The following CSMD1 variants were observed in gnomAD, a reference collection of about 807,000 sequenced individuals.
CSMD1 encodes CUB and Sushi multiple domains 1.
In CSMD1, 213 loss-of-function variants were observed where a neutral mutation model predicts 417.5. The ratio of observed to expected loss-of-function variants is 0.51; its 90% CI spans 0.46 to 0.57. CSMD1 has a LOEUF of 0.57. Among genes scored for constraint, CSMD1 ranks in the 20% least tolerant of loss-of-function variants. The pLI, the probability that CSMD1 is intolerant of heterozygous loss-of-function variation, is 0.00. For synonymous variants in CSMD1, 2,862 were observed against 1,736.8 expected, an observed-to-expected ratio of 1.65 and a Z score of -16.11; for missense variants, 6,923 against 4,529.7, an observed-to-expected ratio of 1.53 and a Z score of -15.17.
chr8:4,345,384 G>A (rs35333378), intron 3 of CSMD1, among the ~76,000 whole-genome samples: 11,513 of 151,994 alleles, frequency 0.076, 496 homozygotes, highest in South Asian at 0.21. Flanking sequence ...ACACACTTAT[G>A]CAATAGAGTA....
At chr8:4,935,418 A>C (rs1255589669) in intron 1 of CSMD1, among the ~76,000 whole-genome samples, 4 of 152,186 alleles carry the variant, frequency 2.6e-5, no homozygotes, top group Non-Finnish European at 5.9e-5. Flanking sequence ...TGTTGAAGTT[A>C]CCGGTTCATT....
At chr8:4,312,260 T>C (rs938283574) in intron 3 of CSMD1, among the ~76,000 whole-genome samples, 2 of 151,716 alleles carry the variant, frequency 1.3e-5, no homozygotes, top group African/African-American at 4.9e-5. Context: ...TCCTAATTTA[T>C]TGGCAAACTT....
intron 1 of CSMD1, among the ~76,000 whole-genome samples, chr8:4,659,872 C>T (rs1469791800): frequency 6.6e-6 from 1 of 151,824 alleles, no homozygotes; most frequent in East Asian, 1.9e-4. Context: ...TCAAATAAAT[C>T]ATAAAAATCA....
chr8:4,417,816 G>A (rs1032233783), intron 3 of CSMD1, among the ~76,000 whole-genome samples: 1 of 151,918 alleles, frequency 6.6e-6, no homozygotes, highest in African/African-American at 2.4e-5. Context: ...ACAAATTGGT[G>A]TATTTGCTTA....
chr8:3,091,913 T>A (rs2129008521), intron 47 of CSMD1, among the ~76,000 whole-genome samples: 1 of 152,320 alleles, frequency 6.6e-6, no homozygotes, highest in East Asian at 1.9e-4. Context: ...AAGCCTTGTC[T>A]ATAAAACAGC....
At chr8:3,753,402 A>G (rs1797465107) in intron 6 of CSMD1, among the ~76,000 whole-genome samples, 1 of 152,200 alleles carries the variant, frequency 6.6e-6, no homozygotes, top group African/African-American at 2.4e-5. Flanking sequence ...TTCATTACCA[A>G]GCTCTGTCCT....
chr8:4,139,416 C>A (rs1313005756), intron 3 of CSMD1, among the ~76,000 whole-genome samples: 1 of 151,546 alleles, frequency 6.6e-6, no homozygotes, highest in Non-Finnish European at 1.5e-5. Flanking sequence ...GTGCTAAGCA[C>A]TGGAGGTAAA....
intron 2 of CSMD1, among the ~76,000 whole-genome samples, chr8:4,618,739 T>C (rs1309118528): frequency 1.3e-5 from 2 of 152,140 alleles, no homozygotes; most frequent in Admixed American, 6.6e-5. Flanking sequence ...TTTTCAACAC[T>C]GAGTAAAAAT....
intron 5 of CSMD1, among the ~76,000 whole-genome samples, chr8:3,989,007 A>G (rs931960939): frequency 6.6e-6 from 1 of 152,212 alleles, no homozygotes; most frequent in South Asian, 2.1e-4. Flanking sequence ...GGTAAAAACC[A>G]TTGTTCAAAA....
At chr8:4,571,237 G>A (rs1380094099) in intron 2 of CSMD1, among the ~76,000 whole-genome samples, 2 of 152,078 alleles carry the variant, frequency 1.3e-5, no homozygotes, top group East Asian at 3.9e-4. Flanking sequence ...TGATGTTAGG[G>A]CATCGATTTT....
intron 7 of CSMD1, among the ~76,000 whole-genome samples, chr8:3,619,818 C>A (rs373497201): frequency 2.0e-5 from 3 of 152,228 alleles, no homozygotes; most frequent in South Asian, 2.1e-4. Context: ...GCTCACACAA[C>A]GTAATATATT....
intron 1 of CSMD1, among the ~76,000 whole-genome samples, chr8:4,649,088 G>C (rs894349310): frequency 6.6e-6 from 1 of 152,138 alleles, no homozygotes; most frequent in African/African-American, 2.4e-5. Context: ...CTCAAAATAA[G>C]TGAGTCATCA....
At chr8:4,376,408 G>C (rs974608196) in intron 3 of CSMD1, among the ~76,000 whole-genome samples, 1 of 152,066 alleles carries the variant, frequency 6.6e-6, no homozygotes, top group African/African-American at 2.4e-5. Flanking sequence ...TGATTCTCTT[G>C]TGCATATTTT....
chr8:3,430,817 AC>A (rs1434676281), intron 12 of CSMD1, among the ~76,000 whole-genome samples: 1 of 152,148 alleles, frequency 6.6e-6, no homozygotes, highest in African/African-American at 2.4e-5. Flanking sequence ...AACAACAACA[AC>A]AAAAAAATTC....
chr8:3,828,842 A>G (rs1269127730), intron 5 of CSMD1, among the ~76,000 whole-genome samples: 1 of 151,966 alleles, frequency 6.6e-6, no homozygotes, highest in Non-Finnish European at 1.5e-5. Context: ...GCAAAACTCC[A>G]CGAGATTTTG....
intron 2 of CSMD1, among the ~76,000 whole-genome samples, chr8:4,468,083 T>G (rs1800298291): frequency 6.6e-6 from 1 of 152,230 alleles, no homozygotes; most frequent in Non-Finnish European, 1.5e-5. Flanking sequence ...GAAATTGATC[T>G]GCACTGTTCT....
chr8:3,507,879 T>G (rs907813997), intron 10 of CSMD1, among the ~76,000 whole-genome samples: 1 of 152,190 alleles, frequency 6.6e-6, no homozygotes, highest in South Asian at 2.1e-4. Flanking sequence ...GCAAATTTGT[T>G]TGAGTTCATT....
intron 1 of CSMD1, among the ~76,000 whole-genome samples, chr8:4,863,002 A>G (rs1219281957): frequency 6.6e-6 from 1 of 152,040 alleles, no homozygotes; most frequent in Non-Finnish European, 1.5e-5. Flanking sequence ...ATACCCCCGT[A>G]GATCAAGGGG....
At chr8:4,355,736 T>C (rs567582268) in intron 3 of CSMD1, among the ~76,000 whole-genome samples, 57 of 152,304 alleles carry the variant, frequency 3.7e-4, no homozygotes, top group Admixed American at 3.4e-3. Context: ...CTTTATTCAT[T>C]TTCCCCCTGC....
Sources: allele counts gnomAD v4.1 joint callset (sites outside exome capture counted in the v4.1 genomes callset), GRCh38; gene constraint gnomAD v4.1.1; transcripts MANE v1.5; gene names NCBI Gene and HGNC (gene_info 2026-07-23, HGNC 2026-07-21).